GYS2: variants seen among roughly 807,000 people sequenced by gnomAD.
GYS2 encodes glycogen synthase 2.
In GYS2, 80 loss-of-function variants were observed where a neutral mutation model predicts 85.6. The ratio of observed to expected loss-of-function variants is 0.93; its 90% CI spans 0.78 to 1.13. The LOEUF (loss-of-function observed/expected upper bound fraction) is 1.13. Ranked by LOEUF, GYS2 falls within the 50% of genes most tolerant of loss-of-function variation. The pLI, the probability that GYS2 is intolerant of heterozygous loss-of-function variation, is 0.00. For synonymous variants in GYS2, 328 were observed against 300.7 expected (o/e 1.09, Z -0.94); for missense variants, 881 against 854.9 (o/e 1.03, Z -0.38).
intron 11 of GYS2, among the ~76,000 whole-genome samples, chr12:21,549,685 G>A (rs1478934865): frequency 6.6e-6 from 1 of 152,030 alleles, no homozygotes; most frequent in East Asian, 1.9e-4. Flanking sequence ...TTTGTCTTAC[G>A]CTTCTTCATA....
intron 4 of GYS2, among the ~76,000 whole-genome samples, chr12:21,570,220 C>G (rs893265680): frequency 5.3e-5 from 8 of 152,174 alleles, no homozygotes; most frequent in African/African-American, 1.9e-4. Flanking sequence ...ATGCTTGGAT[C>G]AGCAGAAGTT....
chr12:21,565,697 A>T (rs1316910433), intron 5 of GYS2, among the ~76,000 whole-genome samples: 6 of 151,600 alleles, frequency 4.0e-5, no homozygotes, highest in South Asian at 2.1e-4. Flanking sequence ...TTAAATTTTT[A>T]AAAAATCAAA....
At chr12:21,592,330 C>T (rs1298755737) in intron 1 of GYS2, among the ~76,000 whole-genome samples, 1 of 151,580 alleles carries the variant, frequency 6.6e-6, no homozygotes, top group Non-Finnish European at 1.5e-5. Flanking sequence ...TAAATTGTTA[C>T]TTGAAAGATA....
chr12:21,533,956 G>A (rs1353286393), downstream of GYS2, among the ~76,000 whole-genome samples: 3 of 152,286 alleles, frequency 2.0e-5, no homozygotes, highest in Admixed American at 1.3e-4. Flanking sequence ...AAAGGGCAAG[G>A]CAGCTCTCTG....
chr12:21,565,776 T>C (rs1944313083), intron 5 of GYS2, among the ~76,000 whole-genome samples: 1 of 149,600 alleles, frequency 6.7e-6, no homozygotes, highest in Non-Finnish European at 1.5e-5. Flanking sequence ...GAAGCAACAT[T>C]GGTCACTAAT....
At chr12:21,569,577 C>T (rs1442308211) in intron 4 of GYS2, among the ~76,000 whole-genome samples, 1 of 152,180 alleles carries the variant, frequency 6.6e-6, no homozygotes, top group African/African-American at 2.4e-5. Flanking sequence ...ATTATCTATG[C>T]TTCTGGGTAG....
intron 4 of GYS2, among the ~76,000 whole-genome samples, chr12:21,572,059 T>A (rs932891916): frequency 6.6e-6 from 1 of 152,080 alleles, no homozygotes; most frequent in African/African-American, 2.4e-5. Flanking sequence ...AAGAATTTAT[T>A]ATGTAGTCAT....
At chr12:21,572,443 GTA>G (rs1944397388) in intron 4 of GYS2, among the ~76,000 whole-genome samples, 1 of 152,130 alleles carries the variant, frequency 6.6e-6, no homozygotes, top group Non-Finnish European at 1.5e-5. Context: ...AACCTTTCAT[GTA>G]TATAATTTGG....
chr12:21,536,001 C>CTAAT (rs35281238), downstream of GYS2, among the ~76,000 whole-genome samples: 1 of 11,302 alleles, frequency 8.8e-5, no homozygotes, highest in Non-Finnish European at 2.5e-4. Flanking sequence ...TCTATTTTTT[C>CTAAT]TATTTTTTAA....
At chr12:21,575,112 A>G (rs1242290549) in intron 3 of GYS2, among the ~76,000 whole-genome samples, 3 of 152,162 alleles carry the variant, frequency 2.0e-5, no homozygotes, top group Non-Finnish European at 4.4e-5. Context: ...TTTTAAATTT[A>G]TCTTATTTGG....
intron 1 of GYS2, among the ~76,000 whole-genome samples, chr12:21,591,779 C>G (rs1944642263): frequency 6.6e-6 from 1 of 151,994 alleles, no homozygotes; most frequent in African/African-American, 2.4e-5. Flanking sequence ...ACAAGATTAA[C>G]AGATTAACAG....
At chr12:21,543,911 T>C (rs1021662338) in intron 12 of GYS2, among the ~76,000 whole-genome samples, 1 of 152,226 alleles carries the variant, frequency 6.6e-6, no homozygotes, top group Non-Finnish European at 1.5e-5. Context: ...CACATATGTA[T>C]ACAAAATTTT....
At chr12:21,559,745 T>C (rs1944229149) in intron 8 of GYS2, 35 bp from the exon 9 acceptor site, 1 of 1,255,838 alleles carries the variant, frequency 8.0e-7, no homozygotes, top group Non-Finnish European at 1.2e-6. Context: ...ATTTAAACAG[T>C]ATGACAATGT....
intron 1 of GYS2, among the ~76,000 whole-genome samples, chr12:21,601,980 C>T (rs754615913): frequency 6.6e-6 from 1 of 152,092 alleles, no homozygotes; most frequent in Admixed American, 6.6e-5. Flanking sequence ...ATGTTTTTCA[C>T]GTTTCCATTG....
At chr12:21,556,409 G>A (rs909239410) in intron 11 of GYS2, among the ~76,000 whole-genome samples, 4 of 152,114 alleles carry the variant, frequency 2.6e-5, no homozygotes, top group African/African-American at 7.2e-5. Context: ...GGCCTCAAGC[G>A]ATCCACCTAC....
intron 4 of GYS2, among the ~76,000 whole-genome samples, chr12:21,569,416 G>A (rs1944360149): frequency 2.6e-5 from 4 of 152,030 alleles, no homozygotes; most frequent in African/African-American, 7.2e-5. Context: ...AGTTGACATC[G>A]AAAATAAGAA....
intron 2 of GYS2, among the ~76,000 whole-genome samples, chr12:21,576,361 G>A (rs1944446974): frequency 6.6e-6 from 1 of 152,098 alleles, no homozygotes; most frequent in African/African-American, 2.4e-5. Flanking sequence ...AACTCACAGT[G>A]ATTAATATTA....
At chr12:21,580,011 G>A (rs963016917) in intron 2 of GYS2, among the ~76,000 whole-genome samples, 2 of 152,136 alleles carry the variant, frequency 1.3e-5, no homozygotes, top group African/African-American at 4.8e-5. Context: ...ATTCCACAAG[G>A]TTTGGTTGAA....
In GYS2 at chr12:21,569,502, A is replaced by G. The variant is rs528773463; in HGVS notation, c.679-493T>C. Among the ~76,000 whole-genome samples the G allele has an allele frequency of 7.9e-5, 12 of 152,304 alleles. No homozygotes were observed. The East Asian group carries it at 2.3e-3, about 29-fold the overall frequency. ...ACAAACGCTTTTCCTTGGTTATAGA[A>G]CTTCCCCTTTATAATTGCAAAGAGT... is the stretch of plus-strand genomic sequence containing the variant. On this transcript the variant is annotated intron_variant, in intron 4 of 15. Transcript: ENST00000261195.
Sources: gnomAD v4.1 joint callset for allele counts (sites outside exome capture counted in the v4.1 genomes callset) on GRCh38, gnomAD v4.1.1 for gene constraint, MANE v1.5 for transcripts, NCBI Gene and HGNC (gene_info 2026-07-23, HGNC 2026-07-21) for gene names.